COL25A1: variants seen among roughly 807,000 people sequenced by gnomAD.
The protein encoded by COL25A1 is collagen alpha-1(XXV) chain.
A neutral mutation model predicts 128.4 loss-of-function variants in COL25A1; 103 were observed. The ratio of observed to expected loss-of-function variants is 0.80; its 90% CI spans 0.68 to 0.94. The LOEUF is 0.94. Among genes scored for constraint, COL25A1 ranks in the 40% least tolerant of loss-of-function variants. COL25A1 has a pLI of 0.00. For synonymous variants in COL25A1, 279 were observed against 277.2 expected, an observed-to-expected ratio of 1.01 and a Z score of -0.06; for missense variants, 745 against 840.0, an observed-to-expected ratio of 0.89 and a Z score of 1.40.
intron 32 of COL25A1, among the ~76,000 whole-genome samples, chr4:108,831,615 C>A (rs1733109618): frequency 6.6e-6 from 1 of 151,552 alleles, no homozygotes; most frequent in South Asian, 2.1e-4. Context: ...CACTCAGACA[C>A]ACAAAAATAA....
At chr4:109,076,284 A>G (rs1216877400) in intron 3 of COL25A1, among the ~76,000 whole-genome samples, 2 of 152,162 alleles carry the variant, frequency 1.3e-5, no homozygotes, top group Non-Finnish European at 2.9e-5. Context: ...GTTTTAAACT[A>G]TATCAGCAAT....
chr4:108,971,553 G>A (rs1474869782), intron 8 of COL25A1, among the ~76,000 whole-genome samples: 1 of 152,198 alleles, frequency 6.6e-6, no homozygotes, highest in African/African-American at 2.4e-5. Context: ...AAGCTGTCGA[G>A]TTGGGTGAAA....
intron 8 of COL25A1, among the ~76,000 whole-genome samples, chr4:108,955,588 T>C (rs1749981291): frequency 6.6e-6 from 1 of 152,120 alleles, no homozygotes; most frequent in African/African-American, 2.4e-5. Context: ...TGAAAGTCAA[T>C]CCAAGGATTA....
intron 11 of COL25A1, among the ~76,000 whole-genome samples, chr4:108,936,300 G>C (rs1027073862): frequency 1.3e-5 from 2 of 152,146 alleles, no homozygotes; most frequent in African/African-American, 4.8e-5. Flanking sequence ...TGGGCACGGT[G>C]GCTCACGCCT....
rs1165400351 is a variant in COL25A1 at position 108,854,782 on chromosome 4, A to G, written c.1321-1857T>C. Among the ~76,000 whole-genome samples the G allele has an allele frequency of 3.3e-5, 5 of 152,322 alleles. No homozygotes were observed. In the East Asian group the frequency reaches 7.7e-4, roughly 24 times the overall value. The stretch of plus-strand genomic sequence containing the variant: ...GTTTGTGGGAGTGTAAACTAGTTCA[A>G]CCATTGTGGAAGACAGTGTGGCAAT... On this transcript the variant is annotated intron_variant, in intron 24 of 37. Transcript: ENST00000399132.
At chr4:109,012,963 A>C (rs983294810) in intron 5 of COL25A1, among the ~76,000 whole-genome samples, 4 of 152,226 alleles carry the variant, frequency 2.6e-5, no homozygotes, top group Non-Finnish European at 5.9e-5. Context: ...GAGAACTTTT[A>C]TGTCTATGCA....
Position 108,904,154 on chromosome 4 carries a change from T to C in COL25A1, c.781-2982A>G, listed in dbSNP as rs565275614. ...AAGTCTGAGTTTCATAGCCAAGCTA[T>C]AGGAATCTGTAGGTGCTGATTATTC... On this transcript the variant is annotated intron_variant, in intron 13 of 37. Coordinates refer to ENST00000399132, the MANE Select transcript of COL25A1 (RefSeq NM_198721.4). Among the ~76,000 whole-genome samples the C allele has an allele frequency of 7.2e-5, 11 of 152,266 alleles. No individual in the cohort carries two copies. In the East Asian group the frequency reaches 1.2e-3, roughly 16 times the overall value.
chr4:108,863,554 A>G (rs1737524467), intron 20 of COL25A1, among the ~76,000 whole-genome samples, 167 bp from the exon 21 acceptor site: 1 of 152,190 alleles, frequency 6.6e-6, no homozygotes, highest in Non-Finnish European at 1.5e-5. Context: ...TCATTTTATA[A>G]TCAAAACAAT....
At chr4:108,943,428 A>C (rs1457319883) in intron 8 of COL25A1, among the ~76,000 whole-genome samples, 1 of 152,154 alleles carries the variant, frequency 6.6e-6, no homozygotes, top group Non-Finnish European at 1.5e-5. Flanking sequence ...CTTGCCACCC[A>C]CATATCAAAA....
rs138504109 is a variant in COL25A1 at position 109,003,050 on chromosome 4, C to T, written c.438+7308G>A. Reference sequence around the variant, plus strand: ...TGGTGAGGACATTTGCTTTTCTGCTCCTGTGTTAGTTTGCTGAGAATGATG... The same window carrying T: ...TGGTGAGGACATTTGCTTTTCTGCTTCTGTGTTAGTTTGCTGAGAATGATG... On this transcript the variant is annotated intron_variant, in intron 6 of 37. Transcript: ENST00000399132. 4.7e-3 allele frequency among the ~76,000 whole-genome samples: 721 copies of T among 152,208 alleles called. 5 individuals are homozygous for T. The highest frequency in any genetic ancestry group is 0.016 in the African/African-American group (655 of 41,506).
At chr4:109,159,345 T>C (rs994204526) in intron 3 of COL25A1, among the ~76,000 whole-genome samples, 1 of 152,106 alleles carries the variant, frequency 6.6e-6, no homozygotes, top group African/African-American at 2.4e-5. Flanking sequence ...ACTATGCTTA[T>C]AGTGGTGAGT....
At chr4:108,893,154 A>G (rs1385137115) in intron 16 of COL25A1, among the ~76,000 whole-genome samples, 1 of 152,178 alleles carries the variant, frequency 6.6e-6, no homozygotes. Context: ...TGTAGATGTG[A>G]AGTATGAAGA....
At chr4:109,001,860 C>A (rs1755444957) in intron 6 of COL25A1, among the ~76,000 whole-genome samples, 1 of 148,038 alleles carries the variant, frequency 6.8e-6, no homozygotes, top group East Asian at 2.1e-4. Flanking sequence ...AACTCTGACA[C>A]TTTATAGACT....
intron 3 of COL25A1, among the ~76,000 whole-genome samples, chr4:109,100,196 TC>T (rs1326840958): frequency 6.6e-6 from 1 of 152,146 alleles, no homozygotes; most frequent in East Asian, 1.9e-4. Context: ...AAGGAAATAA[TC>T]ATGGAGGCAC....
intron 3 of COL25A1, among the ~76,000 whole-genome samples, chr4:109,066,528 A>C (rs530537418): frequency 3.3e-5 from 5 of 152,348 alleles, no homozygotes; most frequent in African/African-American, 1.2e-4. Context: ...TTCATCTACT[A>C]TTCTCAAGCA....
intron 3 of COL25A1, among the ~76,000 whole-genome samples, chr4:109,175,072 C>T (rs925535032): frequency 6.6e-6 from 1 of 152,146 alleles, no homozygotes; most frequent in African/African-American, 2.4e-5. Flanking sequence ...AACCATTGCC[C>T]ACCCACTCCC....
At chr4:109,220,261 T>A (rs1230957052) in intron 3 of COL25A1, among the ~76,000 whole-genome samples, 2 of 152,222 alleles carry the variant, frequency 1.3e-5, no homozygotes. Context: ...AAAGATTAAC[T>A]GATTTTGCTC....
At chr4:109,189,597 G>A (rs1257708281) in intron 3 of COL25A1, among the ~76,000 whole-genome samples, 1 of 151,100 alleles carries the variant, frequency 6.6e-6, no homozygotes, top group Non-Finnish European at 1.5e-5. Context: ...CAACAAGTGG[G>A]TTTCAAGAAC....
chr4:109,169,606 G>A (rs912058114), intron 3 of COL25A1, among the ~76,000 whole-genome samples: 1 of 152,090 alleles, frequency 6.6e-6, no homozygotes, highest in Admixed American at 6.6e-5. Flanking sequence ...AGGCTAAGTT[G>A]ATCAGCCTCT....
Sources: gnomAD v4.1 joint callset for allele counts (sites outside exome capture counted in the v4.1 genomes callset) on GRCh38, gnomAD v4.1.1 for gene constraint, MANE v1.5 for transcripts, NCBI Gene and HGNC (gene_info 2026-07-23, HGNC 2026-07-21) for gene names.